The following CAPS2 variants were observed in gnomAD, a reference collection of about 807,000 sequenced individuals.
The protein encoded by CAPS2 is calcyphosin-2.
In CAPS2, 98 loss-of-function variants were observed where a neutral mutation model predicts 86.5. The observed-to-expected ratio is 1.13, with a 90% CI of 0.96 to 1.34. The LOEUF (loss-of-function observed/expected upper bound fraction) is 1.34, where lower values mean the gene tolerates loss of function less well. CAPS2 is among the 40% of genes most tolerant of loss of function. CAPS2 has a pLI of 0.00. For synonymous variants in CAPS2, 210 were observed against 225.1 expected (o/e 0.93, Z 0.60); for missense variants, 729 against 686.8 (o/e 1.06, Z -0.69).
upstream of CAPS2, among the ~76,000 whole-genome samples, chr12:75,332,824 T>A (rs1456449120): frequency 6.6e-6 from 1 of 152,072 alleles, no homozygotes; most frequent in Non-Finnish European, 1.5e-5. Flanking sequence ...ATAAATAACA[T>A]AAATTCAGGA....
intron 1 of CAPS2, among the ~76,000 whole-genome samples, chr12:75,385,844 A>G (rs557705963): frequency 6.6e-6 from 1 of 152,304 alleles, no homozygotes; most frequent in East Asian, 1.9e-4. Context: ...TGGAAACATA[A>G]TAGCGTTTAG....
At chr12:75,382,510 C>T (rs1208385689) in intron 1 of CAPS2, among the ~76,000 whole-genome samples, 1 of 151,942 alleles carries the variant, frequency 6.6e-6, no homozygotes, top group Non-Finnish European at 1.5e-5. Flanking sequence ...TGTGGTGGTG[C>T]ATGCCTGTAG....
At chr12:75,299,710 T>C in intron 9 of CAPS2, 127 bp downstream of exon 9, 1 of 450,546 alleles carries the variant, frequency 2.2e-6, no homozygotes, top group Non-Finnish European at 4.0e-6. Context: ...AAAATGTTTG[T>C]TCTAAATTCA....
At chr12:75,284,981 T>C in exon 15 of CAPS2, 1 of 1,606,104 alleles carries the variant, frequency 6.2e-7, no homozygotes, top group African/African-American at 1.3e-5. Context: ...TATGATTTCC[T>C]GTATTCATTC....
intron 1 of CAPS2, among the ~76,000 whole-genome samples, chr12:75,385,673 C>T (rs2045254695): frequency 6.6e-6 from 1 of 151,966 alleles, no homozygotes; most frequent in Non-Finnish European, 1.5e-5. Flanking sequence ...CTTTGTTTGC[C>T]GATGACATAA....
At position 75,372,521 on chromosome 12, in the gene CAPS2, C is replaced by T. The variant is rs140497050; in HGVS notation, c.-395+18317G>A. ...CCAGCAGAACGTAATGTCATGGGAA[C>T]AGGAAGCAAAAATTTTGCTAGTGGA... is the stretch of plus-strand genomic sequence containing the variant. On this transcript the variant is annotated intron_variant, in intron 1 of 5. Transcript: ENST00000551829. Among the ~76,000 whole-genome samples, 1,386 of 152,216 alleles carry T rather than the reference C, an allele frequency of 9.1e-3. 10 individuals are homozygous for T. The highest frequency in any genetic ancestry group is 0.017 in the Middle Eastern group (5 of 294).
At chr12:75,308,281 G>A (rs778670294) in intron 7 of CAPS2, among the ~76,000 whole-genome samples, 85 of 152,122 alleles carry the variant, frequency 5.6e-4, no homozygotes, top group Non-Finnish European at 3.1e-4. Flanking sequence ...CATAGACAAA[G>A]TAGACAAAGT....
rs553689295 is a variant in CAPS2 at position 75,361,889 on chromosome 12, A to G, written c.-395+28949T>C. Among the ~76,000 whole-genome samples, 9 of 152,308 alleles carry G rather than the reference A, an allele frequency of 5.9e-5. No homozygotes were observed. In the South Asian group the frequency reaches 8.3e-4, roughly 14 times the overall value. ...TTGGGTGGGGACACAGAGCCAAACC[A>G]TATCAATAGACCTAAATGTAAAACC... On this transcript the variant is annotated intron_variant, in intron 1 of 5. Coordinates refer to the CAPS2 transcript ENST00000551829.
At chr12:75,360,053 T>G (rs1343006674) in intron 1 of CAPS2, 2 of 152,134 alleles carry the variant, frequency 1.3e-5, no homozygotes, top group Non-Finnish European at 2.9e-5. Flanking sequence ...TCAGATCTCA[T>G]GAGAACTCAC....
upstream of CAPS2, chr12:75,335,032 A>T (rs2041627846): frequency 1.2e-6 from 1 of 825,036 alleles, no homozygotes; most frequent in Admixed American, 3.0e-5. Flanking sequence ...AAAGAAAAAA[A>T]TTCACACCTT....
intron 1 of CAPS2, chr12:75,369,948 T>G: frequency 8.5e-7 from 1 of 1,178,924 alleles, no homozygotes; most frequent in Non-Finnish European, 1.2e-6. Context: ...TTAACTTTAA[T>G]TTTTACTTTA....
chr12:75,277,774 G>C, exon 17 of CAPS2: 1 of 811,240 alleles, frequency 1.2e-6, no homozygotes. Context: ...TCTAATTTAT[G>C]TTATATTAAC....
At chr12:75,305,095 T>C (rs2038295640) in intron 7 of CAPS2, 1 of 368,798 alleles carries the variant, frequency 2.7e-6, no homozygotes, top group African/African-American at 2.1e-5. Flanking sequence ...GGAACTGAAA[T>C]TTCGGAGGGA....
At chr12:75,287,380 C>T (rs913845911) in intron 14 of CAPS2, among the ~76,000 whole-genome samples, 2 of 152,008 alleles carry the variant, frequency 1.3e-5, no homozygotes, top group Non-Finnish European at 2.9e-5. Flanking sequence ...CATAAGACCC[C>T]CATTTCAGAA....
chr12:75,365,629 T>C (rs933132575), intron 1 of CAPS2, among the ~76,000 whole-genome samples: 1 of 152,176 alleles, frequency 6.6e-6, no homozygotes, highest in African/African-American at 2.4e-5. Context: ...AATATAACTT[T>C]AGATTCAAAC....
At position 75,298,534 on chromosome 12, in the gene CAPS2, A is replaced by C. The variant is rs996589015; in HGVS notation, c.1044+153T>G. On this transcript the variant is annotated intron_variant, in intron 11 of 16. Transcript: ENST00000393284. ...GGGCTGGGAAGCAGAAGCTCCTGGC[A>C]AAACATCAACCATTAGCCCACACAA... is the stretch of plus-strand genomic sequence containing the variant. The C allele has an allele frequency of 5.5e-6, 3 of 547,398 alleles. No individual in the cohort carries two copies. The African/African-American group carries it at 5.6e-5, about 10-fold the overall frequency. 33.9% of individuals were successfully genotyped at this position (547,398 alleles called of 1,614,324 possible). A position where few individuals can be genotyped will look rare whatever the true frequency, so the allele number is the denominator to read the frequency against.
intron 11 of CAPS2, among the ~76,000 whole-genome samples, chr12:75,293,812 A>G (rs2036426225): frequency 6.6e-6 from 1 of 152,214 alleles, no homozygotes; most frequent in Admixed American, 6.5e-5. Flanking sequence ...CCTAATTAGA[A>G]CTTCAAAACT....
intron 1 of CAPS2, chr12:75,390,387 G>C (rs1330831850): frequency 2.2e-6 from 1 of 456,252 alleles, no homozygotes; most frequent in East Asian, 6.9e-5. Context: ...TTGTGCTGAT[G>C]AGAGAAGAAG....
At chr12:75,307,685 A>G (rs2038671210) in intron 7 of CAPS2, among the ~76,000 whole-genome samples, 1 of 152,226 alleles carries the variant, frequency 6.6e-6, no homozygotes, top group Non-Finnish European at 1.5e-5. Context: ...ATACATAAAT[A>G]CAAGAGAACA....
Sources: allele counts gnomAD v4.1 joint callset (sites outside exome capture counted in the v4.1 genomes callset), GRCh38; gene constraint gnomAD v4.1.1; transcripts MANE v1.5; gene names NCBI Gene and HGNC (gene_info 2026-07-23, HGNC 2026-07-21).